AMH: variants seen among roughly 807,000 people sequenced by gnomAD.
AMH encodes the protein anti-Mullerian hormone.
A neutral mutation model predicts 33.3 loss-of-function variants in AMH; 39 were observed. That is an observed-to-expected ratio of 1.17 (90% CI 0.91 to 1.53). The LOEUF (loss-of-function observed/expected upper bound fraction) is 1.53. AMH is among the 40% of genes most tolerant of loss of function. AMH has a pLI of 0.00. For missense variants in AMH, 1,019 were observed against 799.8 expected, an observed-to-expected ratio of 1.27 and a Z score of -3.30; for synonymous variants, 536 against 403.0, an observed-to-expected ratio of 1.33 and a Z score of -3.95.
Position 2,250,708 on chromosome 19 carries a change from G to A in AMH, c.612G>A (p.Ala204=), listed in dbSNP as rs935863033. Reference sequence around the variant, plus strand: ...TGGTGTTAGCGGTGGACCGCCCTGCGGGGGCCTGGCGCGGCTCCGGGCTGG... The same window carrying A: ...TGGTGTTAGCGGTGGACCGCCCTGCAGGGGCCTGGCGCGGCTCCGGGCTGG... ...RYLVLAVDRP[A]GAWRGSGLAL... The change falls in exon 3 of 5, where the codon GCG becomes GCA. Residue 204 remains alanine (A), a synonymous_variant. Coordinates refer to ENST00000221496, the MANE Select transcript of AMH (RefSeq NM_000479.5). 1 of 1,539,072 alleles carries A rather than the reference G, an allele frequency of 6.5e-7. No individual in the cohort carries two copies. The highest frequency in any genetic ancestry group is 8.7e-7 in the Non-Finnish European group (1 of 1,147,800).
chr19:2,250,995 T>C lies in AMH; in HGVS notation c.811T>C (p.Phe271Leu). ...GCACGGCCAGCTGGACACCGTGCCCTTCCCGCCGCCCAGGTGCGCGCAGGC... is the reference window on the plus strand; with the variant it reads ...GCACGGCCAGCTGGACACCGTGCCCCTCCCGCCGCCCAGGTGCGCGCAGGC... ...PAHGQLDTVP[F>L]PPPRPSAELE... Residue 271 changes from phenylalanine to leucine, a missense_variant, in exon 4 of 5, where the codon TTC becomes CTC. Coordinates refer to ENST00000221496, the MANE Select transcript of AMH (RefSeq NM_000479.5). 1 of 1,514,466 alleles carries C rather than the reference T, an allele frequency of 6.6e-7. No individual in the cohort carries two copies. The highest frequency in any genetic ancestry group is 1.2e-5 in the South Asian group (1 of 81,808). 93.8% of individuals were successfully genotyped at this position (1,514,466 alleles called of 1,614,324 possible).
rs534377664 is a variant in AMH, at chr19:2,249,604, G to T, written c.272G>T (p.Arg91Leu). The stretch of plus-strand genomic sequence containing the variant: ...TTCCTGGGGGCCGTGCAGAGGGCCC[G>T]CTGGGGCCCCCGAGACCTGGCCACC... ...QAFLGAVQRA[R>L]WGPRDLATFG... Residue 91 changes from arginine to leucine, a missense_variant, in exon 1 of 5, where the codon CGC becomes CTC. Arg to Leu is a moderately radical substitution (Grantham distance 102). Coordinates refer to ENST00000221496, the MANE Select transcript of AMH (RefSeq NM_000479.5). 5.8e-6 allele frequency: 9 copies of T among 1,548,738 alleles called. No homozygotes were observed. The South Asian group carries it at 9.4e-5, about 16-fold the overall frequency.
intron 1 of AMH, 33 bp downstream of exon 1, chr19:2,249,777 C>T: frequency 1.4e-6 from 2 of 1,475,550 alleles, no homozygotes; most frequent in Non-Finnish European, 1.8e-6. Flanking sequence ...CTTGGCACCG[C>T]CGTCTTCCTT....
At position 2,249,324 on chromosome 19, in the gene AMH, G is replaced by T; in HGVS notation, c.-9G>T. On this transcript the variant is annotated 5_prime_UTR_variant, in exon 1 of 5. Transcript: ENST00000221496. ...AAGGCAGGCAGCCCAGCCCCTGGCA[G>T]CACCCACGATGCGGGACCTGCCTCT... is the stretch of plus-strand genomic sequence containing the variant. 1 of 1,556,106 alleles carries T rather than the reference G, an allele frequency of 6.4e-7. No homozygotes were observed.
Position 2,250,852 on chromosome 19 carries a change from C to G in AMH, c.668C>G (p.Ser223Cys). The G allele has an allele frequency of 6.4e-7, 1 of 1,566,964 alleles. No individual in the cohort carries two copies. The highest frequency in any genetic ancestry group is 8.6e-7 in the Non-Finnish European group (1 of 1,164,872). Residue 223 changes from serine (S) to cysteine (C), a missense_variant, in exon 4 of 5, where the codon TCC becomes TGC. By Grantham distance (112) the Ser-to-Cys change is moderately radical (BLOSUM62 -1). Transcript: ENST00000221496. ...GCCGCGTGCCCACCCACCGCAGACT[C>G]CCGGCTGAGTACCGCCCGGCTGCAG... is the stretch of plus-strand genomic sequence containing the variant. The part of the protein sequence containing the change: ...ALTLQPRGED[S>C]RLSTARLQAL...
In AMH at chr19:2,249,701, GGACCCTGGGGGGCA is replaced by G; in HGVS notation, c.371_384del (p.Asp124AlafsTer45). 1 of 1,504,276 alleles carries G rather than the reference GGACCCTGGGGGGCA, an allele frequency of 6.6e-7. No homozygotes were observed. Among genetic ancestry groups the G allele is most frequent in the Non-Finnish European group, 8.8e-7 (1 of 1,131,534 alleles). 93.2% of individuals were successfully genotyped at this position (1,504,276 alleles called of 1,614,324 possible). A position where few individuals can be genotyped will look rare whatever the true frequency, so the allele number is the denominator to read the frequency against. On this transcript the variant is annotated frameshift_variant, in exon 1 of 5. Transcript: ENST00000221496. LOFTEE classifies it high-confidence loss of function. ...TACGGCGGCTGGGGGCCTGGCTGCG[GGACCCTGGGGGGCA>G]GCGCCTGGTGGTCCTACACCTGGAG... is the stretch of plus-strand genomic sequence containing the variant.
chr19:2,249,929 A>T lies in AMH; in HGVS notation c.412+185A>T, dbSNP rs540196261. 5.5e-6 allele frequency: 4 copies of T among 733,500 alleles called. No homozygotes were observed. The Admixed American group carries it at 1.2e-4, about 22-fold the overall frequency. 45.4% of individuals were successfully genotyped at this position (733,500 alleles called of 1,614,324 possible). On this transcript the variant is annotated intron_variant, in intron 1 of 4. Coordinates refer to ENST00000221496, the MANE Select transcript of AMH (RefSeq NM_000479.5). ...GCACCACACTCTGTCCTGTCCCCGA[A>T]GCCCAGCTCTTAGACTTGCCCCTGC... is the stretch of plus-strand genomic sequence containing the variant.
Position 2,250,700 on chromosome 19 carries a change from C to A in AMH, c.604C>A (p.Arg202Ser). 1.3e-6 allele frequency: 2 copies of A among 1,539,378 alleles called. No individual in the cohort carries two copies. The highest frequency in any genetic ancestry group is 1.7e-6 in the Non-Finnish European group (2 of 1,147,704). ...CCGCTACCTGGTGTTAGCGGTGGAC[C>A]GCCCTGCGGGGGCCTGGCGCGGCTC... The part of the protein sequence containing the change: ...DTRYLVLAVD[R>S]PAGAWRGSGL... Residue 202 changes from arginine to serine, a missense_variant, in exon 3 of 5, where the codon CGC (arginine) becomes AGC (serine). By Grantham distance (110) the Arg-to-Ser change is moderately radical (BLOSUM62 -1). Coordinates refer to ENST00000221496, the MANE Select transcript of AMH (RefSeq NM_000479.5).
At position 2,251,643 on chromosome 19, in the gene AMH, G is replaced by A. The variant is rs767827783; in HGVS notation, c.1369G>A (p.Ala457Thr). ...GRAQRSAGATAADGPCALREL... is the reference protein window; with the variant it reads ...GRAQRSAGATTADGPCALREL... ...GGCACAGCGCAGCGCGGGGGCCACC[G>A]CCGCCGACGGGCCGTGCGCGCTGCG... Residue 457 changes from alanine to threonine, a missense_variant, in exon 5 of 5, where the codon GCC becomes ACC. Transcript: ENST00000221496. 1.3e-6 allele frequency: 2 copies of A among 1,592,440 alleles called. No individual in the cohort carries two copies. The highest frequency in any genetic ancestry group is 1.7e-6 in the Non-Finnish European group (2 of 1,172,310).
Position 2,251,851 on chromosome 19 carries a change from G to C in AMH, c.1577G>C (p.Cys526Ser). Reference protein sequence around the residue: ...RGAALARPPCCVPTAYAGKLL... With the variant: ...RGAALARPPCSVPTAYAGKLL... ...GCCGCCCTGGCGCGCCCACCCTGCT[G>C]CGTGCCCACCGCCTACGCGGGCAAG... The change falls in exon 5 of 5, where the codon TGC becomes TCC. Residue 526 changes from cysteine (C) to serine (S), a missense_variant. Transcript: ENST00000221496. 5 of 1,594,782 alleles carry C rather than the reference G, an allele frequency of 3.1e-6. No homozygotes were observed. The highest frequency in any genetic ancestry group is 4.3e-6 in the Non-Finnish European group (5 of 1,176,144).
chr19:2,251,685 C>T lies in AMH; in HGVS notation c.1411C>T (p.Leu471Phe). The T allele has an allele frequency of 6.2e-7, 1 of 1,611,246 alleles. No homozygotes were observed. The highest frequency in any genetic ancestry group is 8.5e-7 in the Non-Finnish European group (1 of 1,179,410). The change falls in exon 5 of 5, where the codon CTC (leucine) becomes TTC (phenylalanine). Residue 471 changes from leucine (L) to phenylalanine (F), a missense_variant. Transcript: ENST00000221496. ...PCALRELSVDLRAERSVLIPE... is the reference protein window; with the variant it reads ...PCALRELSVDFRAERSVLIPE... Reference sequence around the variant, plus strand: ...CGCGCTGCGCGAGCTCAGCGTAGACCTCCGCGCCGAGCGCTCCGTACTCAT... The same window carrying T: ...CGCGCTGCGCGAGCTCAGCGTAGACTTCCGCGCCGAGCGCTCCGTACTCAT...
At position 2,249,439 on chromosome 19, in the gene AMH, G is replaced by C. The variant is rs746313611; in HGVS notation, c.107G>C (p.Gly36Ala). The C allele has an allele frequency of 5.6e-6, 9 of 1,602,788 alleles. No homozygotes were observed. Among genetic ancestry groups the C allele is most frequent in the Non-Finnish European group, 7.7e-6 (9 of 1,175,546 alleles). Reference sequence around the variant, plus strand: ...GAGGAGCCAGCTGTGGGCACCAGTGGCCTCATCTTCCGAGAAGACTTGGAC... The same window carrying C: ...GAGGAGCCAGCTGTGGGCACCAGTGCCCTCATCTTCCGAGAAGACTTGGAC... Reference protein sequence around the residue: ...RAEEPAVGTSGLIFREDLDWP... With the variant: ...RAEEPAVGTSALIFREDLDWP... Residue 36 changes from glycine to alanine, a missense_variant, in exon 1 of 5, where the codon GGC (glycine) becomes GCC (alanine). Transcript: ENST00000221496.
chr19:2,251,567 G>T lies in AMH; in HGVS notation c.1293G>T (p.Leu431=). Residue 431 remains leucine (L), a synonymous_variant, in exon 5 of 5, where the codon CTG becomes CTT. Coordinates refer to ENST00000221496, the MANE Select transcript of AMH (RefSeq NM_000479.5). ...GAGCGCTGCTGCTCCTGAAGGCGCTGCAGGGCCTGCGCGTGGAGTGGCGCG... is the reference window on the plus strand; with the variant it reads ...GAGCGCTGCTGCTCCTGAAGGCGCTTCAGGGCCTGCGCGTGGAGTGGCGCG... ...PLRALLLLKA[L]QGLRVEWRGR... is the part of the protein sequence containing the mutation. 7.6e-7 allele frequency: 1 copy of T among 1,312,408 alleles called. No individual in the cohort carries two copies. Among genetic ancestry groups the T allele is most frequent in the Non-Finnish European group, 9.7e-7 (1 of 1,033,120 alleles). The allele number at this position is 1,312,408 out of a possible 1,614,324, so 81.3% of individuals were successfully genotyped here.
In AMH at chr19:2,251,298, G is replaced by A. The variant is rs760391803; in HGVS notation, c.1024G>A (p.Gly342Ser). The A allele has an allele frequency of 3.3e-6, 5 of 1,503,104 alleles. No homozygotes were observed. In the South Asian group the frequency reaches 6.2e-5, roughly 19 times the overall value. 93.1% of individuals were successfully genotyped at this position (1,503,104 alleles called of 1,614,324 possible). A position where few individuals can be genotyped will look rare whatever the true frequency, so the allele number is the denominator to read the frequency against. ...CGCGGCGCTGGAGCGCCTACTCGAC[G>A]GCGAGGAGCCGCTGCTGCTGCTGCT... The part of the protein sequence containing the change: ...DPAALERLLD[G>S]EEPLLLLLRP... Residue 342 changes from glycine (G) to serine (S), a missense_variant, in exon 5 of 5, where the codon GGC (glycine) becomes AGC (serine). Coordinates refer to ENST00000221496, the MANE Select transcript of AMH (RefSeq NM_000479.5).
Position 2,251,767 on chromosome 19 carries a change from A to G in AMH, c.1493A>G (p.Asp498Gly). ...CQGVCGWPQS[D>G]RNPRYGNHVV... Reference sequence around the variant, plus strand: ...GGCGTGTGCGGCTGGCCTCAGTCCGACCGCAACCCGCGCTACGGCAACCAC... The same window carrying G: ...GGCGTGTGCGGCTGGCCTCAGTCCGGCCGCAACCCGCGCTACGGCAACCAC... Residue 498 changes from aspartate (D) to glycine (G), a missense_variant, in exon 5 of 5, where the codon GAC becomes GGC. Physicochemically the swap from Asp to Gly is moderately conservative, Grantham distance 94 (BLOSUM62 -1). Transcript: ENST00000221496. 1 of 1,611,010 alleles carries G rather than the reference A, an allele frequency of 6.2e-7. No individual in the cohort carries two copies. Among genetic ancestry groups the G allele is most frequent in the East Asian group, 2.2e-5 (1 of 44,822 alleles).
intron 1 of AMH, 71 bp from the exon 2 acceptor site, chr19:2,250,266 G>A (rs903363479): frequency 6.5e-7 from 1 of 1,543,048 alleles, no homozygotes; most frequent in Non-Finnish European, 8.7e-7. Context: ...GAGCGGCAGG[G>A]ACAGATCCCA....
intron 3 of AMH, 21 bp from the exon 4 acceptor site, chr19:2,250,828 C>A: frequency 6.5e-7 from 1 of 1,549,892 alleles, no homozygotes; most frequent in Non-Finnish European, 8.7e-7. Flanking sequence ...CCTGAGCCAG[C>A]CGCGTGCCCA....
Position 2,250,681 on chromosome 19 carries a change from C to T in AMH, c.585C>T (p.Tyr195=), listed in dbSNP as rs765484578. 46 of 1,539,792 alleles carry T rather than the reference C, an allele frequency of 3.0e-5. No homozygotes were observed. The South Asian group carries it at 5.5e-4, about 18-fold the overall frequency. The change falls in exon 3 of 5, where the codon TAC becomes TAT. Residue 195 remains tyrosine (Y), a synonymous_variant. Coordinates refer to ENST00000221496, the MANE Select transcript of AMH (RefSeq NM_000479.5). ...QSLCPSRDTR[Y]LVLAVDRPAG... ...TCTGCCCCTCCCGAGACACCCGCTA[C>T]CTGGTGTTAGCGGTGGACCGCCCTG...
At position 2,250,469 on chromosome 19, in the gene AMH, C is replaced by T. The variant is rs1421210513; in HGVS notation, c.545C>T (p.Pro182Leu). ...GTCACTGTGACGAGGGCTGGGCTGCCGGGTGCCCAGGTACCAGGGAGTTGC... is the reference window on the plus strand; with the variant it reads ...GTCACTGTGACGAGGGCTGGGCTGCTGGGTGCCCAGGTACCAGGGAGTTGC... Reference protein sequence around the residue: ...PEVTVTRAGLPGAQSLCPSRD... With the variant: ...PEVTVTRAGLLGAQSLCPSRD... The change falls in exon 2 of 5, where the codon CCG becomes CTG. Residue 182 changes from proline to leucine, a missense_variant. Physicochemically the swap from Pro to Leu is moderately conservative, Grantham distance 98 (BLOSUM62 -3). Transcript: ENST00000221496. 2.3e-5 allele frequency: 36 copies of T among 1,548,984 alleles called. No homozygotes were observed. Among genetic ancestry groups the T allele is most frequent in the African/African-American group, 1.8e-4 (13 of 73,166 alleles).
Sources: gnomAD v4.1 joint callset for allele counts on GRCh38, gnomAD v4.1.1 for gene constraint, MANE v1.5 for transcripts, NCBI Gene and HGNC (gene_info 2026-07-23, HGNC 2026-07-21) for gene names.